The following ADAMTSL1 variants were observed in gnomAD, a reference collection of about 807,000 sequenced individuals.
ADAMTSL1 encodes the protein ADAMTS-like protein 1.
Under a neutral mutation model 201.8 loss-of-function variants are expected in ADAMTSL1, and 126 were observed. That is an observed-to-expected ratio of 0.62 (90% CI 0.54 to 0.72). The LOEUF is 0.72. Ranked by LOEUF, ADAMTSL1 falls within the 30% of genes least tolerant of loss-of-function variation. The pLI, the probability that ADAMTSL1 is intolerant of heterozygous loss-of-function variation, is 0.00. For synonymous variants in ADAMTSL1, 1,121 were observed against 903.4 expected (o/e 1.24, Z -4.32); for missense variants, 2,679 against 2,277.8 (o/e 1.18, Z -3.59).
chr9:18,001,931 A>C (rs1172370830), intron 1 of ADAMTSL1, among the ~76,000 whole-genome samples: 1 of 151,858 alleles, frequency 6.6e-6, no homozygotes, highest in Non-Finnish European at 1.5e-5. Context: ...AGTGAATGGG[A>C]GGGAAGGAAG....
chr9:18,545,467 T>TA lies in ADAMTSL1; in HGVS notation c.237+12175_237+12176insA, dbSNP rs1159335441. Among the ~76,000 whole-genome samples the TA allele has an allele frequency of 3.3e-5, 5 of 152,012 alleles. No homozygotes were observed. The East Asian group carries it at 7.7e-4, about 23-fold the overall frequency. On this transcript the variant is annotated intron_variant, in intron 3 of 28. Coordinates refer to ENST00000380548, the MANE Select transcript of ADAMTSL1 (RefSeq NM_001040272.6). ...CATTTTTACAACATATGCTTTTTTT[T>TA]TTAAGAAAAGAGATATTCAAACAAG...
At chr9:18,518,689 G>A (rs1170119538) in intron 2 of ADAMTSL1, among the ~76,000 whole-genome samples, 2 of 151,970 alleles carry the variant, frequency 1.3e-5, no homozygotes, top group East Asian at 3.9e-4. Flanking sequence ...AGGTTAAATG[G>A]TAATATGGTT....
At chr9:18,722,999 A>T (rs541343212) in intron 15 of ADAMTSL1, 1 of 778,406 alleles carries the variant, frequency 1.3e-6, no homozygotes, top group East Asian at 2.4e-5. Flanking sequence ...ATTTGACTAC[A>T]GTCCTGTCAT....
chr9:18,587,692 A>G (rs1214671069), intron 4 of ADAMTSL1, among the ~76,000 whole-genome samples: 1 of 152,138 alleles, frequency 6.6e-6, no homozygotes, highest in Non-Finnish European at 1.5e-5. Flanking sequence ...TATCTCAAAC[A>G]GATCCACTTT....
In ADAMTSL1 at chr9:18,777,189, G is replaced by C. The variant is rs369132241; in HGVS notation, c.2960G>C (p.Gly987Ala). Reference protein sequence around the residue: ...EEEVLAGRKGGPKEALQTHKH... With the variant: ...EEEVLAGRKGAPKEALQTHKH... ...GAGGTGCTTGCGGGGAGGAAGGGCG[G>C]CCCGAAGGAGGCCCTGCAGACCCAC... The change falls in exon 19 of 29, where the codon GGC becomes GCC. Residue 987 changes from glycine to alanine, a missense_variant. Physicochemically the swap from Gly to Ala is moderately conservative, Grantham distance 60. Transcript: ENST00000380548. The C allele has an allele frequency of 9.3e-6, 15 of 1,612,752 alleles. No individual in the cohort carries two copies. The African/African-American group carries it at 1.9e-4, about 20-fold the overall frequency.
chr9:18,544,333 A>G (rs959742152), intron 3 of ADAMTSL1, among the ~76,000 whole-genome samples: 1 of 152,208 alleles, frequency 6.6e-6, no homozygotes, highest in African/African-American at 2.4e-5. Context: ...CAGAAAAGTT[A>G]TATTCCTTGG....
intron 1 of ADAMTSL1, among the ~76,000 whole-genome samples, chr9:18,110,427 G>T (rs1453431190): frequency 6.6e-6 from 1 of 152,126 alleles, no homozygotes; most frequent in Non-Finnish European, 1.5e-5. Context: ...GGCCACCAGG[G>T]TCTATGACTG....
intron 1 of ADAMTSL1, among the ~76,000 whole-genome samples, chr9:17,984,155 A>T (rs540635672): frequency 1.3e-3 from 205 of 152,314 alleles, no homozygotes; most frequent in African/African-American, 4.8e-3. Context: ...AGCAATTAGC[A>T]GATTCTTGTG....
chr9:18,552,402 A>G (rs1487465295), intron 3 of ADAMTSL1, among the ~76,000 whole-genome samples: 1 of 151,790 alleles, frequency 6.6e-6, no homozygotes, highest in Non-Finnish European at 1.5e-5. Flanking sequence ...TTCTTTATTA[A>G]TCGCTAACAA....
At chr9:18,722,083 A>G (rs142111416) in intron 15 of ADAMTSL1, among the ~76,000 whole-genome samples, 290 of 152,290 alleles carry the variant, frequency 1.9e-3, no homozygotes, top group Non-Finnish European at 2.6e-3. Flanking sequence ...GGTATAATTG[A>G]TCCACTGTGA....
chr9:18,370,986 A>G (rs1226823497), intron 2 of ADAMTSL1, among the ~76,000 whole-genome samples: 1 of 152,136 alleles, frequency 6.6e-6, no homozygotes, highest in African/African-American at 2.4e-5. Flanking sequence ...CTTGAAAGCC[A>G]TTGTTTAAGA....
At chr9:18,708,609 G>A (rs570396868) in intron 14 of ADAMTSL1, among the ~76,000 whole-genome samples, 8 of 152,354 alleles carry the variant, frequency 5.3e-5, no homozygotes, top group African/African-American at 1.9e-4. Context: ...TTAGCCAGCG[G>A]CTACAGTTGC....
intron 1 of ADAMTSL1, among the ~76,000 whole-genome samples, chr9:18,080,427 T>C (rs769443082): frequency 2.6e-5 from 4 of 152,054 alleles, no homozygotes; most frequent in African/African-American, 9.7e-5. Context: ...GCATTAGGAG[T>C]TGTGATTCTA....
intron 2 of ADAMTSL1, among the ~76,000 whole-genome samples, chr9:18,289,753 T>A (rs991725458): frequency 2.0e-5 from 3 of 152,210 alleles, no homozygotes; most frequent in Non-Finnish European, 4.4e-5. Flanking sequence ...CAGCTGTTGA[T>A]ACCTAGAGAG....
At chr9:18,526,622 A>C (rs964994936) in intron 2 of ADAMTSL1, among the ~76,000 whole-genome samples, 6 of 152,154 alleles carry the variant, frequency 3.9e-5, no homozygotes, top group African/African-American at 1.4e-4. Context: ...GAGCTCTTTT[A>C]GGGCAGGCCT....
intron 2 of ADAMTSL1, among the ~76,000 whole-genome samples, chr9:18,314,782 C>CTGTTTT (rs1834302245): frequency 2.0e-5 from 1 of 49,838 alleles, no homozygotes; most frequent in Non-Finnish European, 3.6e-5. Flanking sequence ...CGGCAGCGTG[C>CTGTTTT]TTTTTTTTTT....
At chr9:18,265,284 G>T (rs1832079405) in intron 2 of ADAMTSL1, among the ~76,000 whole-genome samples, 1 of 152,036 alleles carries the variant, frequency 6.6e-6, no homozygotes, top group African/African-American at 2.4e-5. Flanking sequence ...AGCTCTGCAT[G>T]TATTGCTTCC....
chr9:17,910,405 A>T lies in ADAMTSL1; in HGVS notation c.87+3483A>T, dbSNP rs1430339081. Among the ~76,000 whole-genome samples the T allele has an allele frequency of 4.4e-5, 3 of 68,160 alleles. 1 individual carries two copies. Among genetic ancestry groups the T allele is most frequent in the African/African-American group, 8.9e-5 (3 of 33,774 alleles). The allele number at this position is 68,160 out of a possible 152,430, so 44.7% of individuals were successfully genotyped here. A position where few individuals can be genotyped will look rare whatever the true frequency, so the allele number is the denominator to read the frequency against. ...TTATGCTTTCCCACTGCCTGTTCAA[A>T]CTCACTTCAAGTCATTAGGTGCTTT... is the stretch of plus-strand genomic sequence containing the variant. On this transcript the variant is annotated intron_variant, in intron 1 of 29. Transcript: ENST00000680146.
intron 4 of ADAMTSL1, among the ~76,000 whole-genome samples, chr9:18,614,889 T>C (rs1587711176): frequency 2.0e-5 from 3 of 150,424 alleles, no homozygotes; most frequent in African/African-American, 2.4e-5. Context: ...GAGCCCTTTA[T>C]TTTTTTTTTC....
Sources: allele counts gnomAD v4.1 joint callset (sites outside exome capture counted in the v4.1 genomes callset), GRCh38; gene constraint gnomAD v4.1.1; transcripts MANE v1.5; gene names NCBI Gene and HGNC (gene_info 2026-07-23, HGNC 2026-07-21).